The following VPS50 variants were observed in gnomAD, a reference collection of about 807,000 sequenced individuals.
The protein encoded by VPS50 is syndetin.
Under a neutral mutation model 139.7 loss-of-function variants are expected in VPS50, and 70 were observed. The observed-to-expected ratio is 0.50, with a 90% CI of 0.41 to 0.61. VPS50 has a LOEUF of 0.61. Ranked by LOEUF, VPS50 falls within the 20% of genes least tolerant of loss-of-function variation. VPS50 has a pLI of 0.00. For missense variants in VPS50, 921 were observed against 1,133.7 expected, an observed-to-expected ratio of 0.81 and a Z score of 2.69; for synonymous variants, 365 against 376.7, an observed-to-expected ratio of 0.97 and a Z score of 0.36.
intron 8 of VPS50, 105 bp downstream of exon 8, chr7:93,258,497 A>G: frequency 2.3e-6 from 2 of 857,978 alleles, no homozygotes; most frequent in Non-Finnish European, 3.8e-6. Context: ...TATGATATAA[A>G]GAATATTTTT....
At chr7:93,303,417 CT>C in intron 16 of VPS50, 42 bp from the exon 17 acceptor site, 3 of 845,534 alleles carry the variant, frequency 3.5e-6, no homozygotes, top group Non-Finnish European at 5.8e-6. Flanking sequence ...GTGCGGTGTA[CT>C]TTTCTTCTCA....
intron 9 of VPS50, among the ~76,000 whole-genome samples, chr7:93,264,659 G>C (rs1215546365): frequency 1.3e-5 from 2 of 152,140 alleles, no homozygotes; most frequent in African/African-American, 4.8e-5. Context: ...GAAAATTGTA[G>C]GTTGTAGAAT....
At position 93,303,497 on chromosome 7, in the gene VPS50, G is replaced by C; in HGVS notation, c.1399G>C (p.Glu467Gln). Residue 467 changes from glutamate (E) to glutamine (Q), a missense_variant, in exon 17 of 28, where the codon GAG becomes CAG. Around this residue, in one of 3 missense-constraint regions of VPS50, gnomAD observed 744 missense variants for 930.6 expected, o/e 0.80. Coordinates refer to ENST00000305866, the MANE Select transcript of VPS50 (RefSeq NM_017667.4). ...TGAACTGAGAATGTTCTTAGAGAAT[G>C]AGACTTGGGAACTTTGTCCTGTTAA... ...LDELRMFLEN[E>Q]TWELCPVKSN... The C allele has an allele frequency of 3.2e-6, 5 of 1,583,608 alleles. No homozygotes were observed. The highest frequency in any genetic ancestry group is 4.3e-6 in the Non-Finnish European group (5 of 1,159,038).
intron 20 of VPS50, among the ~76,000 whole-genome samples, chr7:93,312,195 A>T (rs1270534774): frequency 6.6e-6 from 1 of 152,238 alleles, no homozygotes; most frequent in African/African-American, 2.4e-5. Flanking sequence ...ATACCTTTTC[A>T]TGATGCTCAG....
chr7:93,323,486 G>A (rs895168372), intron 20 of VPS50, 125 bp from the exon 21 acceptor site: 5 of 283,730 alleles, frequency 1.8e-5, no homozygotes, highest in African/African-American at 8.8e-5. Flanking sequence ...TGGCTACTGT[G>A]AGGGAGTGCA....
At position 93,358,522 on chromosome 7, in the gene VPS50, ACTAT is replaced by A; in HGVS notation, c.*89_*92del. 2.8e-6 allele frequency: 3 copies of A among 1,075,402 alleles called. No homozygotes were observed. Among genetic ancestry groups the A allele is most frequent in the Non-Finnish European group, 4.1e-6 (3 of 728,248 alleles). 66.6% of individuals were successfully genotyped at this position (1,075,402 alleles called of 1,614,324 possible). A position where few individuals can be genotyped will look rare whatever the true frequency, so the allele number is the denominator to read the frequency against. ...CCAGTTTTTTTATGCACTTCTGACA[ACTAT>A]CTGCTAAGAAAACTTTGTGCATGTT... On this transcript the variant is annotated 3_prime_UTR_variant, in exon 28 of 28. Coordinates refer to ENST00000305866, the MANE Select transcript of VPS50 (RefSeq NM_017667.4).
At chr7:93,244,611 A>G (rs1028526098) in intron 2 of VPS50, among the ~76,000 whole-genome samples, 3 of 151,950 alleles carry the variant, frequency 2.0e-5, no homozygotes, top group Non-Finnish European at 2.9e-5. Flanking sequence ...GACACAAGAA[A>G]TATACATTCT....
intron 9 of VPS50, among the ~76,000 whole-genome samples, chr7:93,269,680 A>C (rs1400435563): frequency 1.3e-5 from 2 of 152,104 alleles, no homozygotes; most frequent in African/African-American, 4.8e-5. Context: ...ATAAGAAGCA[A>C]ATGCAAGGAA....
At chr7:93,307,273 A>C (rs1291913009) in intron 18 of VPS50, among the ~76,000 whole-genome samples, 9 of 151,926 alleles carry the variant, frequency 5.9e-5, no homozygotes, top group Admixed American at 5.9e-4. Context: ...AATGAAGCTT[A>C]TCAGACACAC....
At chr7:93,288,121 C>T (rs540045331) in intron 12 of VPS50, among the ~76,000 whole-genome samples, 1 of 152,082 alleles carries the variant, frequency 6.6e-6, no homozygotes, top group African/African-American at 2.4e-5. Context: ...ACCATCAGAT[C>T]TCATGAGACT....
chr7:93,348,687 CA>C lies in VPS50; in HGVS notation c.2208-23del, dbSNP rs767137334. 1.3e-4 allele frequency: 186 copies of C among 1,443,496 alleles called. No individual in the cohort carries two copies. The African/African-American group carries it at 2.3e-3, about 18-fold the overall frequency. The allele number at this position is 1,443,496 out of a possible 1,614,324, so 89.4% of individuals were successfully genotyped here. A position where few individuals can be genotyped will look rare whatever the true frequency, so the allele number is the denominator to read the frequency against. On this transcript the variant is annotated intron_variant, in intron 23 of 27. Transcript: ENST00000305866. ...CTAAATCCTACACAATTTGTTTACA[CA>C]GTGGGTTATTTATTCCCTTTAGGGT...
intron 1 of VPS50, among the ~76,000 whole-genome samples, chr7:93,238,410 A>C (rs768551073): frequency 1.3e-5 from 2 of 151,688 alleles, no homozygotes; most frequent in Non-Finnish European, 2.9e-5. Flanking sequence ...AATGACTTCT[A>C]CCTAATAATT....
At chr7:93,354,485 G>A (rs1042223315) in intron 26 of VPS50, among the ~76,000 whole-genome samples, 2 of 151,708 alleles carry the variant, frequency 1.3e-5, no homozygotes, top group Admixed American at 1.3e-4. Flanking sequence ...GTAGAGATGG[G>A]GTTTCACCAT....
At chr7:93,238,350 A>G (rs1352228478) in intron 1 of VPS50, among the ~76,000 whole-genome samples, 1 of 150,944 alleles carries the variant, frequency 6.6e-6, no homozygotes, top group African/African-American at 2.4e-5. Context: ...AGTCAATTAC[A>G]TGTTCCCATG....
chr7:93,261,540 T>C (rs1477877047), intron 9 of VPS50, among the ~76,000 whole-genome samples: 1 of 151,618 alleles, frequency 6.6e-6, no homozygotes. Flanking sequence ...TAGCCGGGCC[T>C]GGTGGCGGGC....
At chr7:93,254,444 C>T (rs1016272483) in intron 4 of VPS50, among the ~76,000 whole-genome samples, 1 of 151,932 alleles carries the variant, frequency 6.6e-6, no homozygotes, top group Non-Finnish European at 1.5e-5. Flanking sequence ...ATTTTTTTAA[C>T]GTTTTGTAGA....
At chr7:93,298,384 A>T (rs1278978663) in intron 16 of VPS50, among the ~76,000 whole-genome samples, 1 of 152,162 alleles carries the variant, frequency 6.6e-6, no homozygotes, top group Non-Finnish European at 1.5e-5. Context: ...CCCTATAAAC[A>T]TTCCTGTATA....
At chr7:93,289,558 T>C (rs1796590640) in intron 12 of VPS50, among the ~76,000 whole-genome samples, 1 of 152,098 alleles carries the variant, frequency 6.6e-6, no homozygotes, top group South Asian at 2.1e-4. Context: ...TTATTACTTG[T>C]AAATTTTGTG....
intron 2 of VPS50, 100 bp downstream of exon 2, chr7:93,240,034 G>A: frequency 1.4e-6 from 1 of 736,408 alleles, no homozygotes. Context: ...TTTCCCACAG[G>A]CAGATGGTTG....
Sources: gnomAD v4.1 joint callset for allele counts (sites outside exome capture counted in the v4.1 genomes callset) on GRCh38, gnomAD v4.1.1 for gene constraint, gnomAD v4.1.1 regional missense constraint, MANE v1.5 for transcripts, NCBI Gene and HGNC (gene_info 2026-07-23, HGNC 2026-07-21) for gene names.